Variants in ADGRL3 observed in about 807,000 individuals in gnomAD.
The protein encoded by ADGRL3 is calcium-independent alpha-latrotoxin receptor 3.
In ADGRL3, 62 loss-of-function variants were observed where a neutral mutation model predicts 153.5. The observed-to-expected ratio is 0.40, with a 90% CI of 0.33 to 0.50. The LOEUF is 0.50. Ranked by LOEUF, ADGRL3 falls within the 20% of genes least tolerant of loss-of-function variation. The pLI is 0.47. For missense variants in ADGRL3, 1,641 were observed against 1,859.4 expected (o/e 0.88, Z 2.16); for synonymous variants, 710 against 672.5 (o/e 1.06, Z -0.86).
At chr4:61,451,064 G>A (rs990736889) in intron 2 of ADGRL3, among the ~76,000 whole-genome samples, 5 of 152,118 alleles carry the variant, frequency 3.3e-5, no homozygotes, top group African/African-American at 7.2e-5. Flanking sequence ...CATTGCGTTC[G>A]TTATCTAATT....
intron 9 of ADGRL3, among the ~76,000 whole-genome samples, chr4:61,875,097 C>T (rs2098467703): frequency 1.3e-5 from 2 of 151,664 alleles, no homozygotes; most frequent in Admixed American, 1.3e-4. Context: ...CGTGAGCCAC[C>T]GCGCCCGGCC....
intron 9 of ADGRL3, among the ~76,000 whole-genome samples, chr4:61,827,839 C>A (rs1054958660): frequency 1.3e-5 from 2 of 152,090 alleles, no homozygotes; most frequent in Non-Finnish European, 2.9e-5. Context: ...ATTATTGATT[C>A]TTTGAAAGTA....
intron 4 of ADGRL3, among the ~76,000 whole-genome samples, chr4:61,568,231 C>G (rs1183183659): frequency 6.6e-6 from 1 of 152,074 alleles, no homozygotes; most frequent in African/African-American, 2.4e-5. Flanking sequence ...TATCTATAAA[C>G]ATTTTTAAGG....
chr4:61,256,054 A>G (rs555194346), intron 1 of ADGRL3, among the ~76,000 whole-genome samples: 66 of 152,320 alleles, frequency 4.3e-4, no homozygotes, highest in Non-Finnish European at 8.5e-4. Flanking sequence ...TTCAAAAAAT[A>G]TGGTCTTTAG....
At position 61,867,515 on chromosome 4, in the gene ADGRL3, C is replaced by CATATATATATAT. The variant is rs3065826; in HGVS notation, c.1481-25127_1481-25116dup. Among the ~76,000 whole-genome samples the CATATATATATAT allele has an allele frequency of 2.9e-3, 235 of 81,146 alleles. 10 individuals carry two copies. Among genetic ancestry groups the CATATATATATAT allele is most frequent in the Middle Eastern group, 0.024 (3 of 126 alleles). 53.2% of individuals were successfully genotyped at this position (81,146 alleles called of 152,430 possible). ...ACCCTGTCTCAAAAAAATATATATG[C>CATATATATATAT]ATATATATATATATATATATATATA... On this transcript the variant is annotated intron_variant, in intron 9 of 26. Transcript: ENST00000683033.
intron 2 of ADGRL3, among the ~76,000 whole-genome samples, chr4:61,495,709 A>C (rs1332864710): frequency 6.6e-6 from 1 of 152,152 alleles, no homozygotes. Context: ...TGGTTCAATA[A>C]AGTTACTTTT....
At chr4:61,771,367 A>G (rs1302317940) in intron 8 of ADGRL3, among the ~76,000 whole-genome samples, 2 of 152,152 alleles carry the variant, frequency 1.3e-5, no homozygotes, top group Non-Finnish European at 2.9e-5. Flanking sequence ...GCATAATTCC[A>G]TATTAGGAGA....
intron 9 of ADGRL3, among the ~76,000 whole-genome samples, chr4:61,868,655 C>T (rs958756018): frequency 6.6e-6 from 1 of 152,016 alleles, no homozygotes; most frequent in Non-Finnish European, 1.5e-5. Context: ...CTATATTCTC[C>T]AGCTAAATTA....
At chr4:61,485,728 T>A (rs534737672) in intron 2 of ADGRL3, among the ~76,000 whole-genome samples, 1 of 152,306 alleles carries the variant, frequency 6.6e-6, no homozygotes, top group African/African-American at 2.4e-5. Context: ...ACCTCAATTC[T>A]TACAACTTCT....
chr4:61,654,622 G>A (rs1204424234), intron 5 of ADGRL3, among the ~76,000 whole-genome samples: 1 of 151,998 alleles, frequency 6.6e-6, no homozygotes. Flanking sequence ...AACTAGGCTG[G>A]GTGTGGTGGT....
chr4:61,737,032 A>G (rs1026308080), intron 8 of ADGRL3, among the ~76,000 whole-genome samples: 38 of 151,892 alleles, frequency 2.5e-4, no homozygotes, highest in Non-Finnish European at 2.6e-4. Context: ...TCACACAAAC[A>G]GTTTCAGCTG....
chr4:61,520,341 A>T (rs1177722648), intron 4 of ADGRL3, among the ~76,000 whole-genome samples: 1 of 152,112 alleles, frequency 6.6e-6, no homozygotes, highest in Non-Finnish European at 1.5e-5. Context: ...GCATTAAAAA[A>T]GTTCATTGAG....
At chr4:62,054,944 CA>C (rs908507290) in intron 25 of ADGRL3, among the ~76,000 whole-genome samples, 1 of 151,262 alleles carries the variant, frequency 6.6e-6, no homozygotes, top group East Asian at 1.9e-4. Flanking sequence ...CTCTGATTGG[CA>C]AAAATGTCAG....
At position 61,563,781 on chromosome 4, in the gene ADGRL3, G is replaced by A. The variant is rs376275570; in HGVS notation, c.260-23446G>A. ...TCCCAGCACTTTGGGAGGTCGAGGC[G>A]GGCAGATCACAAGGTCAAGAAATTG... On this transcript the variant is annotated intron_variant, in intron 4 of 26. Transcript: ENST00000683033. Among the ~76,000 whole-genome samples, 51 of 152,170 alleles carry A rather than the reference G, an allele frequency of 3.4e-4. No homozygotes were observed. In the East Asian group the frequency reaches 4.5e-3, roughly 13 times the overall value.
At chr4:61,398,008 G>A (rs552341709) in intron 2 of ADGRL3, among the ~76,000 whole-genome samples, 1 of 151,908 alleles carries the variant, frequency 6.6e-6, no homozygotes, top group African/African-American at 2.4e-5. Flanking sequence ...TCATATTATT[G>A]TAGATGTCTT....
chr4:61,478,323 G>C (rs1002932494), intron 2 of ADGRL3, among the ~76,000 whole-genome samples: 1 of 151,970 alleles, frequency 6.6e-6, no homozygotes, highest in Non-Finnish European at 1.5e-5. Flanking sequence ...AGTGATTATG[G>C]TAATAGTGTT....
chr4:61,384,871 T>A (rs1299492675), intron 2 of ADGRL3, among the ~76,000 whole-genome samples: 1 of 151,894 alleles, frequency 6.6e-6, no homozygotes, highest in East Asian at 1.9e-4. Flanking sequence ...AGACCCTCAG[T>A]GATAGTATGT....
At chr4:61,794,920 C>A (rs1222727296) in intron 8 of ADGRL3, among the ~76,000 whole-genome samples, 1 of 152,204 alleles carries the variant, frequency 6.6e-6, no homozygotes, top group African/African-American at 2.4e-5. Flanking sequence ...ATTGCTTTCA[C>A]AATTACTTCT....
intron 9 of ADGRL3, among the ~76,000 whole-genome samples, chr4:61,856,419 ATTCC>A (rs139069716): frequency 0.1 from 12,036 of 119,666 alleles, 1,166 homozygotes; most frequent in African/African-American, 0.27. Flanking sequence ...GTGTCTGAGA[ATTCC>A]TTCCTTCCTT....
Sources: allele counts gnomAD v4.1 joint callset (sites outside exome capture counted in the v4.1 genomes callset), GRCh38; gene constraint gnomAD v4.1.1; transcripts MANE v1.5; gene names NCBI Gene and HGNC (gene_info 2026-07-23, HGNC 2026-07-21).